The following NDUFS1 variants were observed in gnomAD, a reference collection of about 807,000 sequenced individuals.
The protein encoded by NDUFS1 is NADH:ubiquinone oxidoreductase core subunit S1.
In NDUFS1, 61 loss-of-function variants were observed where a neutral mutation model predicts 84.4. The observed-to-expected ratio is 0.72, with a 90% CI of 0.59 to 0.89. NDUFS1 has a LOEUF of 0.89. Ranked by LOEUF, NDUFS1 falls within the 40% of genes least tolerant of loss-of-function variation. The probability of loss-of-function intolerance (pLI) is 0.00; values close to 1 mark genes in which losing one functional copy is unlikely to be tolerated. For synonymous variants in NDUFS1, 275 were observed against 290.0 expected (o/e 0.95, Z 0.53); for missense variants, 891 against 890.0 (o/e 1.00, Z -0.01).
At chr2:206,141,908 AT>A in intron 12 of NDUFS1, 32 bp downstream of exon 12, 1 of 1,576,562 alleles carries the variant, frequency 6.3e-7, no homozygotes, top group Middle Eastern at 1.7e-4. Context: ...TTACATAAAT[AT>A]TTTTAAACCT....
rs915555075 is a variant in NDUFS1, at chr2:206,115,753, CAGGT to C, written c.*8428_*8431del. 12 of 392,496 alleles carry C rather than the reference CAGGT, an allele frequency of 3.1e-5. No homozygotes were observed. Among genetic ancestry groups the C allele is most frequent in the Admixed American group, 1.1e-4 (3 of 28,034 alleles). 24.3% of individuals were successfully genotyped at this position (392,496 alleles called of 1,614,324 possible). ...ATCATTAAGTATTTCATCCCAAGTC[CAGGT>C]ATGGACATACACAAGTTACAATATT... On this transcript the variant is annotated 3_prime_UTR_variant, in exon 19 of 19. Coordinates refer to ENST00000233190, the MANE Select transcript of NDUFS1 (RefSeq NM_005006.7).
At position 206,115,054 on chromosome 2, in the gene NDUFS1, ATT is replaced by A. The variant is rs1376480095; in HGVS notation, c.*9129_*9130del. On this transcript the variant is annotated 3_prime_UTR_variant, in exon 19 of 19. Coordinates refer to ENST00000233190, the MANE Select transcript of NDUFS1 (RefSeq NM_005006.7). Reference sequence around the variant, plus strand: ...GTTCCCTATTGATGGATATTTACATATTTTTGTTTTGTCTGACATGACAAACA... The same window carrying A: ...GTTCCCTATTGATGGATATTTACATATTTGTTTTGTCTGACATGACAAACA... 3 of 152,166 alleles carry A rather than the reference ATT, an allele frequency of 2.0e-5. No individual in the cohort carries two copies. Among genetic ancestry groups the A allele is most frequent in the African/African-American group, 7.2e-5 (3 of 41,444 alleles). 9.4% of individuals were successfully genotyped at this position (152,166 alleles called of 1,614,324 possible).
chr2:206,140,943 T>TATACACACACACACACACACACACAC (rs367723817), intron 12 of NDUFS1, among the ~76,000 whole-genome samples: 27 of 136,138 alleles, frequency 2.0e-4, no homozygotes, highest in African/African-American at 7.2e-4. Flanking sequence ...TATATATATA[T>TATACACACACACACACACACACACAC]ACACACACAC....
rs1470729793 is a variant in NDUFS1, at chr2:206,123,919, A to G, written c.*266T>C. 9.0e-6 allele frequency: 3 copies of G among 334,668 alleles called. No homozygotes were observed. Among genetic ancestry groups the G allele is most frequent in the Non-Finnish European group, 1.6e-5 (3 of 186,410 alleles). The allele number at this position is 334,668 out of a possible 1,614,324, so 20.7% of individuals were successfully genotyped here. On this transcript the variant is annotated 3_prime_UTR_variant, in exon 19 of 19. Transcript: ENST00000233190. ...TAAGCCAACAACTCATAATTTAAGGATCTCTTTATGTTCGTCACAAAGGTT... is the reference window on the plus strand; with the variant it reads ...TAAGCCAACAACTCATAATTTAAGGGTCTCTTTATGTTCGTCACAAAGGTT...
intron 18 of NDUFS1, 58 bp from the exon 19 acceptor site, chr2:206,124,334 T>C: frequency 1.5e-6 from 2 of 1,296,258 alleles, no homozygotes; most frequent in Non-Finnish European, 2.2e-6. Context: ...AAGCACATAC[T>C]AAAACTTTAA....
At position 206,122,697 on chromosome 2, in the gene NDUFS1, A is replaced by G. The variant is rs946740269; in HGVS notation, c.*1488T>C. ...TGGGCTGAGTCTTTAGTGAAAGCAG[A>G]AAAGAATAAGGATTACAAAACAAAT... On this transcript the variant is annotated 3_prime_UTR_variant, in exon 19 of 19. Transcript: ENST00000233190. The G allele has an allele frequency of 2.0e-5, 3 of 151,760 alleles. No individual in the cohort carries two copies. The highest frequency in any genetic ancestry group is 7.3e-5 in the African/African-American group (3 of 41,234). 9.4% of individuals were successfully genotyped at this position (151,760 alleles called of 1,614,324 possible).
intron 12 of NDUFS1, among the ~76,000 whole-genome samples, chr2:206,140,922 G>GTGTATATATATATATATA (rs1691913425): frequency 7.8e-6 from 1 of 127,974 alleles, no homozygotes; most frequent in African/African-American, 3.1e-5. Flanking sequence ...TATGTAGTGT[G>GTGTATATATATATATATA]TATATATATA....
chr2:206,159,037 CTCT>C, intron 1 of NDUFS1: 1 of 1,525,948 alleles, frequency 6.6e-7, no homozygotes, highest in South Asian at 1.2e-5. Context: ...CGGCCTCCTC[CTCT>C]GAGAGGGAAA....
intron 1 of NDUFS1, among the ~76,000 whole-genome samples, chr2:206,156,606 TTAG>T (rs1687665267): frequency 6.6e-6 from 1 of 152,068 alleles, no homozygotes; most frequent in South Asian, 2.1e-4. Flanking sequence ...AATTATGTGA[TTAG>T]AACGTATTAA....
At position 206,121,007 on chromosome 2, in the gene NDUFS1, C is replaced by A. The variant is rs1435892096; in HGVS notation, c.*3178G>T. ...AGTACTTCTAATTAAACACTCCTGC[C>A]ATTAGTATCTAGCTGTGTAGCCATA... is the stretch of plus-strand genomic sequence containing the variant. On this transcript the variant is annotated 3_prime_UTR_variant, in exon 19 of 19. Transcript: ENST00000233190. 6.6e-6 allele frequency: 1 copy of A among 152,206 alleles called. No homozygotes were observed. The highest frequency in any genetic ancestry group is 1.5e-5 in the Non-Finnish European group (1 of 68,038). 9.4% of individuals were successfully genotyped at this position (152,206 alleles called of 1,614,324 possible).
At chr2:206,138,267 G>C (rs1352079653) in intron 13 of NDUFS1, among the ~76,000 whole-genome samples, 1 of 152,174 alleles carries the variant, frequency 6.6e-6, no homozygotes, top group Non-Finnish European at 1.5e-5. Context: ...TTTTAGTAGA[G>C]ACAGGGTTTC....
chr2:206,147,238 A>G lies in NDUFS1; in HGVS notation c.552-150T>C, dbSNP rs372561622. ...CACAGTCCTAGAATAAAAAATAATG[A>G]AATGTTTGCATTTAATTGAGGTGTA... On this transcript the variant is annotated intron_variant, in intron 7 of 18. Coordinates refer to ENST00000233190, the MANE Select transcript of NDUFS1 (RefSeq NM_005006.7). 95 of 879,524 alleles carry G rather than the reference A, an allele frequency of 1.1e-4. No homozygotes were observed. The African/African-American group carries it at 1.5e-3, about 14-fold the overall frequency. The allele number at this position is 879,524 out of a possible 1,614,324, so 54.5% of individuals were successfully genotyped here.
rs761984388 is a variant in NDUFS1, at chr2:206,115,609, C to T, written c.*8576G>A. ...ATTTTGCTGTACAGCTGTTGCTTCA[C>T]TATATAAAAACAGCACCAGCAAATG... On this transcript the variant is annotated 3_prime_UTR_variant, in exon 19 of 19. Transcript: ENST00000233190. 5 of 237,608 alleles carry T rather than the reference C, an allele frequency of 2.1e-5. No homozygotes were observed. The highest frequency in any genetic ancestry group is 4.1e-5 in the Non-Finnish European group (5 of 121,470). 14.7% of individuals were successfully genotyped at this position (237,608 alleles called of 1,614,324 possible).
Position 206,118,304 on chromosome 2 carries a change from T to C in NDUFS1, c.*5881A>G, listed in dbSNP as rs1027045173. On this transcript the variant is annotated 3_prime_UTR_variant, in exon 19 of 19. Coordinates refer to ENST00000233190, the MANE Select transcript of NDUFS1 (RefSeq NM_005006.7). ...GCAAACTAAAGTGCTATGTAACTAT[T>C]AAAATATTTTAAAATATTGGTTATT... 1 of 152,210 alleles carries C rather than the reference T, an allele frequency of 6.6e-6. No homozygotes were observed. The highest frequency in any genetic ancestry group is 1.5e-5 in the Non-Finnish European group (1 of 68,044). The allele number at this position is 152,210 out of a possible 1,614,324, so 9.4% of individuals were successfully genotyped here. A position where few individuals can be genotyped will look rare whatever the true frequency, so the allele number is the denominator to read the frequency against.
chr2:206,153,466 G>T (rs1692452038), intron 2 of NDUFS1, 152 bp downstream of exon 2: 2 of 577,330 alleles, frequency 3.5e-6, no homozygotes, highest in Non-Finnish European at 3.1e-6. Flanking sequence ...AAAGTGCTAG[G>T]ATTACAGGCA....
rs762397149 is a variant in NDUFS1, at chr2:206,144,029, C to A, written c.976G>T (p.Val326Leu). Residue 326 changes from valine (V) to leucine (L), a missense_variant, in exon 10 of 19, where the codon GTA becomes TTA. By Grantham distance (32) the Val-to-Leu change is conservative. Coordinates refer to ENST00000233190, the MANE Select transcript of NDUFS1 (RefSeq NM_005006.7). ...YTSWEDALSR[V>L]AGMLQSFQGK... ...ATTTCAAATTTTACCATTCCAGCTA[C>A]GCGAGAGAGCGCATCCTCCCAAGAA... The A allele has an allele frequency of 6.2e-7, 1 of 1,607,932 alleles. No individual in the cohort carries two copies. Among genetic ancestry groups the A allele is most frequent in the Non-Finnish European group, 8.5e-7 (1 of 1,174,588 alleles).
chr2:206,136,434 T>C (rs949676167), intron 13 of NDUFS1, among the ~76,000 whole-genome samples: 1 of 121,200 alleles, frequency 8.3e-6, no homozygotes, highest in African/African-American at 3.4e-5. Flanking sequence ...TTGGTTTTTT[T>C]TTTGTTTTTT....
In NDUFS1 at chr2:206,152,564, A is replaced by G. The variant is rs563333726; in HGVS notation, c.62-54T>C. The G allele has an allele frequency of 5.7e-5, 81 of 1,432,594 alleles. No homozygotes were observed. In the African/African-American group the frequency reaches 9.7e-4, roughly 17 times the overall value. 88.7% of individuals were successfully genotyped at this position (1,432,594 alleles called of 1,614,324 possible). ...ACAGATTAACAGTTTATTATAGCAG[A>G]TGATAATGGATGAATTGACTCTAAC... On this transcript the variant is annotated intron_variant, in intron 2 of 18. Transcript: ENST00000233190.
chr2:206,152,105 C>T (rs545296383), intron 3 of NDUFS1, among the ~76,000 whole-genome samples: 53 of 152,148 alleles, frequency 3.5e-4, no homozygotes, highest in Non-Finnish European at 5.6e-4. Flanking sequence ...GAATGATCCG[C>T]CCGCCTCGGC....
Sources: gnomAD v4.1 joint callset for allele counts (sites outside exome capture counted in the v4.1 genomes callset) on GRCh38, gnomAD v4.1.1 for gene constraint, MANE v1.5 for transcripts, NCBI Gene and HGNC (gene_info 2026-07-23, HGNC 2026-07-21) for gene names.